The following SWAP70 variants were observed in gnomAD, a reference collection of about 807,000 sequenced individuals.
SWAP70 encodes the protein switch-associated protein 70.
A neutral mutation model predicts 80.2 loss-of-function variants in SWAP70; 34 were observed. The observed-to-expected ratio is 0.42, with a 90% CI of 0.32 to 0.56. The LOEUF (loss-of-function observed/expected upper bound fraction) is 0.56. Among genes scored for constraint, SWAP70 ranks in the 20% least tolerant of loss-of-function variants. The pLI is 0.09. For synonymous variants in SWAP70, 239 were observed against 238.5 expected (o/e 1.00, Z -0.02); for missense variants, 578 against 690.7 (o/e 0.84, Z 1.83).
intron 1 of SWAP70, among the ~76,000 whole-genome samples, chr11:9,678,607 G>A (rs1850530483): frequency 7.0e-6 from 1 of 141,928 alleles, no homozygotes; most frequent in Admixed American, 7.4e-5. Context: ...CTGATCTTAG[G>A]ACTCAGAGTT....
intron 1 of SWAP70, among the ~76,000 whole-genome samples, chr11:9,686,372 T>TTTATTTATTTATTTATTTAC (rs1350290349): frequency 7.3e-5 from 11 of 151,686 alleles, no homozygotes; most frequent in African/African-American, 2.2e-4. Flanking sequence ...TATTTATTTA[T>TTTATTTATTTATTTATTTAC]TTTTGTGAGA....
rs183265306 is a variant in SWAP70, at chr11:9,685,594, G to A, written c.100-8552G>A. 7.6e-5 allele frequency among the ~76,000 whole-genome samples: 11 copies of A among 143,928 alleles called. No individual in the cohort carries two copies. The East Asian group carries it at 2.1e-3, about 28-fold the overall frequency. The allele number at this position is 143,928 out of a possible 152,430, so 94.4% of individuals were successfully genotyped here. On this transcript the variant is annotated intron_variant, in intron 1 of 11. Coordinates refer to ENST00000318950, the MANE Select transcript of SWAP70 (RefSeq NM_015055.4). ...AAGGTCATTGATCCCATTTGCGAGA[G>A]TTCCGCTCTCTTGACTTAATCACCA...
intron 7 of SWAP70, among the ~76,000 whole-genome samples, chr11:9,735,687 A>G (rs974703503): frequency 2.0e-5 from 3 of 152,204 alleles, no homozygotes; most frequent in Non-Finnish European, 4.4e-5. Context: ...CTGTACTTCT[A>G]TTGATAATAT....
chr11:9,673,472 C>T (rs1200007173), intron 1 of SWAP70, among the ~76,000 whole-genome samples: 1 of 152,138 alleles, frequency 6.6e-6, no homozygotes. Flanking sequence ...CTGGGAGCTC[C>T]TCAAACCCTG....
At chr11:9,732,063 G>T (rs1353183163) in intron 6 of SWAP70, among the ~76,000 whole-genome samples, 1 of 152,142 alleles carries the variant, frequency 6.6e-6, no homozygotes, top group African/African-American at 2.4e-5. Flanking sequence ...TGGATGATAG[G>T]CCAACTAAAC....
At chr11:9,684,972 A>G (rs1272840599) in intron 1 of SWAP70, among the ~76,000 whole-genome samples, 2 of 152,218 alleles carry the variant, frequency 1.3e-5, no homozygotes, top group African/African-American at 4.8e-5. Context: ...GAGTAGTGAG[A>G]AAGATAAAGA....
intron 1 of SWAP70, among the ~76,000 whole-genome samples, chr11:9,664,490 TGTTA>T (rs1367447956): frequency 6.6e-6 from 1 of 152,170 alleles, no homozygotes; most frequent in East Asian, 1.9e-4. Flanking sequence ...CGGTTGGATG[TGTTA>T]GTTCCCGCGG....
intron 1 of SWAP70, among the ~76,000 whole-genome samples, chr11:9,671,455 A>AAT (rs377725154): frequency 3.8e-3 from 363 of 95,392 alleles, no homozygotes; most frequent in South Asian, 0.015. Flanking sequence ...TATATTTATA[A>AAT]ATATATATAT....
chr11:9,742,864 T>C (rs1201709702), intron 9 of SWAP70, among the ~76,000 whole-genome samples: 1 of 148,874 alleles, frequency 6.7e-6, no homozygotes, highest in East Asian at 2.0e-4. Flanking sequence ...AAAAGGCTGC[T>C]CAGTTAACTC....
chr11:9,719,463 G>T (rs145743217), intron 3 of SWAP70, among the ~76,000 whole-genome samples: 14 of 152,178 alleles, frequency 9.2e-5, no homozygotes, highest in African/African-American at 3.1e-4. Context: ...CAAGAGAATC[G>T]CTTGAACCCA....
At chr11:9,684,447 G>A (rs1850606237) in intron 1 of SWAP70, among the ~76,000 whole-genome samples, 1 of 152,154 alleles carries the variant, frequency 6.6e-6, no homozygotes, top group Admixed American at 6.6e-5. Context: ...GGAGATGAGT[G>A]TACTAAATTA....
At chr11:9,725,548 TATATATATATATATA>T (rs1564829403) in intron 4 of SWAP70, among the ~76,000 whole-genome samples, 7 of 9,816 alleles carry the variant, frequency 7.1e-4, no homozygotes, top group African/African-American at 2.2e-3. Context: ...TATATATATA[TATATATATATATATA>T]TATATATTTT....
rs150561091 is a variant in SWAP70, at chr11:9,678,593, A to ATTTCTG, written c.99+14316_99+14321dup. On this transcript the variant is annotated intron_variant, in intron 1 of 11. Coordinates refer to ENST00000318950, the MANE Select transcript of SWAP70 (RefSeq NM_015055.4). ...ATTTGACCTTCCATCTTAATAGTAC[A>ATTTCTG]TTTCTGATCTTAGGACTCAGAGTTC... Among the ~76,000 whole-genome samples the ATTTCTG allele has an allele frequency of 5.1e-3, 663 of 130,732 alleles. 6 individuals carry two copies. The highest frequency in any genetic ancestry group is 0.018 in the African/African-American group (624 of 34,132). The allele number at this position is 130,732 out of a possible 152,430, so 85.8% of individuals were successfully genotyped here.
chr11:9,700,365 A>C (rs190975575), intron 2 of SWAP70, among the ~76,000 whole-genome samples: 178 of 152,342 alleles, frequency 1.2e-3, no homozygotes, highest in Non-Finnish European at 2.0e-3. Context: ...GTTTGAGTTT[A>C]AATTGAGCAA....
intron 1 of SWAP70, among the ~76,000 whole-genome samples, chr11:9,664,709 C>T (rs1414747964): frequency 6.6e-6 from 1 of 152,232 alleles, no homozygotes; most frequent in Non-Finnish European, 1.5e-5. Flanking sequence ...TGGGCAGAAC[C>T]TTCTGCAGCC....
intron 2 of SWAP70, among the ~76,000 whole-genome samples, chr11:9,705,095 ATGTATATACTTGGTGATC>A (rs981397213): frequency 8.4e-5 from 12 of 143,506 alleles, no homozygotes; most frequent in African/African-American, 3.0e-4. Context: ...CACTGGTGAT[ATGTATATACTTGGTGATC>A]TGTATACACT....
intron 1 of SWAP70, among the ~76,000 whole-genome samples, chr11:9,682,221 T>G (rs2134434640): frequency 6.6e-6 from 1 of 152,200 alleles, no homozygotes; most frequent in East Asian, 1.9e-4. Context: ...CACTCTCTGC[T>G]TGGTTAGCCT....
intron 1 of SWAP70, among the ~76,000 whole-genome samples, chr11:9,684,782 C>T (rs566208651): frequency 2.0e-5 from 3 of 151,990 alleles, no homozygotes; most frequent in Admixed American, 2.0e-4. Flanking sequence ...GGTAAAGTAG[C>T]AAAATGAAAT....
chr11:9,702,684 G>A (rs1462378342), intron 2 of SWAP70, among the ~76,000 whole-genome samples: 2 of 152,084 alleles, frequency 1.3e-5, no homozygotes, highest in Admixed American at 6.6e-5. Flanking sequence ...TCCTCCCAAA[G>A]TGCTGAGATT....
Sources: allele counts gnomAD v4.1 joint callset (sites outside exome capture counted in the v4.1 genomes callset), GRCh38; gene constraint gnomAD v4.1.1; transcripts MANE v1.5; gene names NCBI Gene and HGNC (gene_info 2026-07-23, HGNC 2026-07-21).